Variants in PSD3 observed in about 807,000 individuals in gnomAD.
The protein encoded by PSD3 is PH and SEC7 domain-containing protein 3.
In PSD3, 49 loss-of-function variants were observed where a neutral mutation model predicts 105.5. The ratio of observed to expected loss-of-function variants is 0.46; its 90% confidence interval spans 0.37 to 0.59. The LOEUF (loss-of-function observed/expected upper bound fraction) is 0.59. Ranked by LOEUF, PSD3 falls within the 20% of genes least tolerant of loss-of-function variation. The pLI is 0.00. For missense variants in PSD3, 1,561 were observed against 1,263.8 expected (o/e 1.24, Z -3.57); for synonymous variants, 557 against 457.8 (o/e 1.22, Z -2.77).
At chr8:18,810,880 C>G (rs142762193) in intron 4 of PSD3, among the ~76,000 whole-genome samples, 1 of 152,214 alleles carries the variant, frequency 6.6e-6, no homozygotes, top group Non-Finnish European at 1.5e-5. Flanking sequence ...CGGGTACAAA[C>G]GCACAGCTTC....
chr8:18,685,374 T>G (rs536811652), intron 9 of PSD3, among the ~76,000 whole-genome samples: 1 of 152,186 alleles, frequency 6.6e-6, no homozygotes, highest in African/African-American at 2.4e-5. Context: ...TTGGGTTTTG[T>G]TGCATCCTCA....
rs555067526 is a variant in PSD3 at position 18,626,984 on chromosome 8, T to C, written c.2410+5629A>G. Among the ~76,000 whole-genome samples, 149 of 152,188 alleles carry C rather than the reference T, an allele frequency of 9.8e-4. 1 individual carries two copies. Among genetic ancestry groups the C allele is most frequent in the African/African-American group, 3.3e-3 (139 of 41,538 alleles). On this transcript the variant is annotated intron_variant, in intron 11 of 15. Coordinates refer to ENST00000327040, the MANE Select transcript of PSD3 (RefSeq NM_015310.4). ...GAAAGACGTTTCTTAACAAAAGGGA[T>C]CATGAATCAGCTTAGTTCTGCTTAT...
At chr8:18,918,338 A>G (rs1380289652) in intron 2 of PSD3, among the ~76,000 whole-genome samples, 1 of 152,174 alleles carries the variant, frequency 6.6e-6, no homozygotes, top group Non-Finnish European at 1.5e-5. Flanking sequence ...ACCTCTTCCA[A>G]GAAGCCTTCT....
At chr8:18,996,995 G>C (rs995416511) in intron 1 of PSD3, among the ~76,000 whole-genome samples, 5 of 151,774 alleles carry the variant, frequency 3.3e-5, no homozygotes, top group Admixed American at 2.6e-4. Context: ...TCGCACTCTC[G>C]ATTCCCCTCA....
intron 4 of PSD3, among the ~76,000 whole-genome samples, chr8:18,832,867 T>G (rs938587584): frequency 6.6e-6 from 1 of 152,108 alleles, no homozygotes; most frequent in African/African-American, 2.4e-5. Context: ...ATAGCTCCCA[T>G]GATTCAATTA....
intron 9 of PSD3, among the ~76,000 whole-genome samples, chr8:18,764,171 T>C (rs1410310479): frequency 6.6e-6 from 1 of 152,180 alleles, no homozygotes; most frequent in Non-Finnish European, 1.5e-5. Context: ...CCTGTCAACT[T>C]TCATTTCTGA....
intron 9 of PSD3, among the ~76,000 whole-genome samples, chr8:18,680,191 A>G (rs1254060782): frequency 6.6e-6 from 1 of 152,216 alleles, no homozygotes; most frequent in African/African-American, 2.4e-5. Flanking sequence ...AGGACTGTGG[A>G]AATGTCTGGG....
chr8:18,590,534 C>G (rs2410574), intron 12 of PSD3, among the ~76,000 whole-genome samples: 67,481 of 151,974 alleles, frequency 0.44, 15,169 homozygotes, highest in South Asian at 0.59. Flanking sequence ...TAAGGAATGA[C>G]ATTAGGTATA....
At chr8:18,688,581 A>G (rs1461648414) in intron 9 of PSD3, among the ~76,000 whole-genome samples, 1 of 152,238 alleles carries the variant, frequency 6.6e-6, no homozygotes, top group Non-Finnish European at 1.5e-5. Context: ...GCAGTGAATA[A>G]TACCCCTGCA....
At chr8:18,600,213 C>G (rs1359450709) in intron 12 of PSD3, 151 bp downstream of exon 12, 1 of 703,186 alleles carries the variant, frequency 1.4e-6, no homozygotes, top group South Asian at 1.7e-5. Context: ...TCGTTTATTT[C>G]TGGAATTCTC....
At chr8:18,902,519 GTTA>G (rs1461267340) in intron 2 of PSD3, among the ~76,000 whole-genome samples, 2 of 152,130 alleles carry the variant, frequency 1.3e-5, no homozygotes, top group East Asian at 1.9e-4. Context: ...TTATTACAGA[GTTA>G]TTATGTTTCT....
rs1358690121 is a variant in PSD3, at chr8:18,590,141, T to C, written c.2481+10223A>G. ...ATCTGGGTGGACAAAGGAAGGCTAG[T>C]TTTAAAAAAGAATAATTCTTTCAAT... On this transcript the variant is annotated intron_variant, in intron 12 of 15. Transcript: ENST00000327040. Among the ~76,000 whole-genome samples the C allele has an allele frequency of 2.6e-5, 4 of 152,176 alleles. No individual in the cohort carries two copies. The East Asian group carries it at 7.7e-4, about 29-fold the overall frequency.
intron 14 of PSD3, among the ~76,000 whole-genome samples, chr8:18,559,197 G>A (rs1234326548): frequency 3.3e-5 from 5 of 152,162 alleles, no homozygotes; most frequent in Non-Finnish European, 7.4e-5. Context: ...TAAGATGACT[G>A]TTTTCTAAAG....
At position 18,534,473 on chromosome 8, in the gene PSD3, CAGAA is replaced by C. The variant is rs1422264365; in HGVS notation, c.*1266_*1269del. ...AGTTAATAGAACCATTTTGAGTAGA[CAGAA>C]AGAAAGGACTGAAAATAGATGAAGT... On this transcript the variant is annotated 3_prime_UTR_variant, in exon 16 of 16. Coordinates refer to ENST00000327040, the MANE Select transcript of PSD3 (RefSeq NM_015310.4). 6.6e-6 allele frequency: 1 copy of C among 152,314 alleles called. No individual in the cohort carries two copies. The highest frequency in any genetic ancestry group is 1.5e-5 in the Non-Finnish European group (1 of 67,982). The allele number at this position is 152,314 out of a possible 1,614,324, so 9.4% of individuals were successfully genotyped here.
chr8:18,841,805 C>A (rs1236032931), intron 4 of PSD3, among the ~76,000 whole-genome samples: 1 of 152,164 alleles, frequency 6.6e-6, no homozygotes. Flanking sequence ...GGGGGAGAAG[C>A]CCTAAACACA....
intron 9 of PSD3, among the ~76,000 whole-genome samples, chr8:18,669,506 G>C (rs1371551483): frequency 6.6e-6 from 1 of 152,228 alleles, no homozygotes; most frequent in Non-Finnish European, 1.5e-5. Flanking sequence ...GGCAAGAACT[G>C]TGATGCTGTG....
intron 15 of PSD3, among the ~76,000 whole-genome samples, chr8:18,548,325 C>T (rs1369403128): frequency 6.6e-6 from 1 of 152,070 alleles, no homozygotes; most frequent in Non-Finnish European, 1.5e-5. Flanking sequence ...ATGTCCATTT[C>T]TTTGAAATTG....
At chr8:18,907,357 G>A (rs1819912221) in intron 2 of PSD3, among the ~76,000 whole-genome samples, 1 of 151,924 alleles carries the variant, frequency 6.6e-6, no homozygotes, top group Non-Finnish European at 1.5e-5. Context: ...TTATTTTGTA[G>A]AGATGGGGGT....
At chr8:18,752,576 ATT>A (rs1563225602) in intron 9 of PSD3, among the ~76,000 whole-genome samples, 863 of 52,600 alleles carry the variant, frequency 0.016, 59 homozygotes, top group African/African-American at 0.081. Flanking sequence ...TATATATATA[ATT>A]ATATATATTA....
Sources: allele counts gnomAD v4.1 joint callset (sites outside exome capture counted in the v4.1 genomes callset), GRCh38; gene constraint gnomAD v4.1.1; transcripts MANE v1.5; gene names NCBI Gene and HGNC (gene_info 2026-07-23, HGNC 2026-07-21).